WDR5: variants seen among roughly 807,000 people sequenced by gnomAD.
WDR5 encodes the protein WD repeat-containing protein 5.
For missense variants in WDR5, 187 were observed against 416.9 expected, an observed-to-expected ratio of 0.45 and a Z score of 4.80; for synonymous variants, 144 against 161.6, an observed-to-expected ratio of 0.89 and a Z score of 0.83.
chr9:134,145,265 AT>A (rs1832130529), intron 7 of WDR5, among the ~76,000 whole-genome samples: 1 of 151,766 alleles, frequency 6.6e-6, no homozygotes, highest in African/African-American at 2.4e-5. Flanking sequence ...CGACTGGCTA[AT>A]TTTTGTATTT....
chr9:134,140,599 C>T, intron 2 of WDR5, 104 bp from the exon 3 acceptor site: 2 of 951,984 alleles, frequency 2.1e-6, no homozygotes, highest in South Asian at 1.4e-5. Context: ...ATTTGGAGCT[C>T]TAAAGATCTG....
At chr9:134,143,563 G>A (rs948406575) in intron 7 of WDR5, among the ~76,000 whole-genome samples, 4 of 149,946 alleles carry the variant, frequency 2.7e-5, no homozygotes, top group Non-Finnish European at 4.4e-5. Context: ...GTCTCGCTCT[G>A]TTGCCCAGGC....
At chr9:134,154,408 C>T (rs1286981078) in intron 9 of WDR5, 58 bp from the exon 10 acceptor site, 10 of 1,580,418 alleles carry the variant, frequency 6.3e-6, no homozygotes, top group South Asian at 5.5e-5. Context: ...GGTCCCACCT[C>T]CTGTCCCTGC....
intron 8 of WDR5, among the ~76,000 whole-genome samples, chr9:134,149,316 G>T (rs1354110104): frequency 2.0e-5 from 3 of 152,240 alleles, no homozygotes; most frequent in Admixed American, 1.3e-4. Context: ...CAAGGTTCAA[G>T]CTGCGGTTGC....
At chr9:134,151,275 G>T (rs1381714818) in intron 8 of WDR5, among the ~76,000 whole-genome samples, 1 of 152,190 alleles carries the variant, frequency 6.6e-6, no homozygotes, top group Non-Finnish European at 1.5e-5. Flanking sequence ...GCAGAGCAGA[G>T]AGCTTCGGGG....
intron 13 of WDR5, 81 bp downstream of exon 13, chr9:134,156,674 A>C: frequency 6.9e-7 from 1 of 1,453,980 alleles, no homozygotes; most frequent in East Asian, 2.3e-5. Context: ...GTGTGCCCGT[A>C]GGGTGCCGTC....
intron 4 of WDR5, 61 bp downstream of exon 4, chr9:134,141,644 G>C (rs1210877024): frequency 1.3e-6 from 2 of 1,544,570 alleles, no homozygotes; most frequent in East Asian, 4.5e-5. Flanking sequence ...AGTGATCAAG[G>C]GGTCAGGGCT....
chr9:134,145,096 G>GTTTT (rs56864188), intron 7 of WDR5, among the ~76,000 whole-genome samples: 4,325 of 104,402 alleles, frequency 0.041, 360 homozygotes, highest in Middle Eastern at 0.072. Flanking sequence ...GTGGGGCTTT[G>GTTTT]TTTTTTTTTT....
intron 8 of WDR5, among the ~76,000 whole-genome samples, chr9:134,149,055 T>G (rs1345003535): frequency 2.0e-5 from 3 of 152,076 alleles, no homozygotes; most frequent in African/African-American, 7.2e-5. Flanking sequence ...CTGGCAGAAT[T>G]GAAGATCTTA....
At chr9:134,156,426 C>G (rs1352374292) in intron 12 of WDR5, 80 bp from the exon 13 acceptor site, 1 of 1,411,470 alleles carries the variant, frequency 7.1e-7, no homozygotes, top group Non-Finnish European at 1.0e-6. Context: ...CAGGGCATAA[C>G]TGGAGATTCT....
At chr9:134,151,290 C>T (rs2132567416) in intron 8 of WDR5, among the ~76,000 whole-genome samples, 1 of 152,216 alleles carries the variant, frequency 6.6e-6, no homozygotes, top group Non-Finnish European at 1.5e-5. Context: ...TCGGGGCCCT[C>T]CCAGAGGCGG....
chr9:134,141,605 T>G (rs768963340), intron 4 of WDR5, 22 bp downstream of exon 4: 2 of 1,613,166 alleles, frequency 1.2e-6, no homozygotes, highest in East Asian at 2.2e-5. Flanking sequence ...CCCTGTGCGG[T>G]GAAGTTGACT....
intron 1 of WDR5, 140 bp from the exon 2 acceptor site, chr9:134,139,680 G>A (rs755946957): frequency 1.7e-6 from 1 of 602,512 alleles, no homozygotes; most frequent in Non-Finnish European, 2.9e-6. Flanking sequence ...AATTAATAGG[G>A]TCCTCAATTT....
In WDR5 at chr9:134,141,708, T is replaced by A. The variant is rs1034016895; in HGVS notation, c.264+125T>A. The A allele has an allele frequency of 1.1e-5, 12 of 1,079,264 alleles. No homozygotes were observed. In the African/African-American group the frequency reaches 1.5e-4, roughly 13 times the overall value. The allele number at this position is 1,079,264 out of a possible 1,614,324, so 66.9% of individuals were successfully genotyped here. A position where few individuals can be genotyped will look rare whatever the true frequency, so the allele number is the denominator to read the frequency against. On this transcript the variant is annotated intron_variant, in intron 4 of 13. Transcript: ENST00000358625. The stretch of plus-strand genomic sequence containing the variant: ...AGTTTTCCCCGTTTTTTAATTTTTT[T>A]ATAGTTATTTGCATCTTGAACTTTT...
intron 7 of WDR5, among the ~76,000 whole-genome samples, chr9:134,145,106 T>TTTTTTTTTTTG (rs1832117944): frequency 7.7e-6 from 1 of 129,514 alleles, no homozygotes; most frequent in Non-Finnish European, 1.6e-5. Flanking sequence ...GTTTTTTTTT[T>TTTTTTTTTTTG]TTTTTTTTTT....
At chr9:134,139,326 C>A (rs1240778852) in intron 1 of WDR5, among the ~76,000 whole-genome samples, 1 of 152,178 alleles carries the variant, frequency 6.6e-6, no homozygotes, top group Non-Finnish European at 1.5e-5. Flanking sequence ...CACTGGGTGC[C>A]CGTGCTTGTG....
chr9:134,137,909 A>C lies in WDR5; in HGVS notation c.-59+1709A>C, dbSNP rs113123725. 8.7e-3 allele frequency among the ~76,000 whole-genome samples: 1,316 copies of C among 152,038 alleles called. 18 individuals are homozygous for C. Among genetic ancestry groups the C allele is most frequent in the African/African-American group, 0.03 (1,242 of 41,462 alleles). ...AGGGACCGACCACCACACCCGGCTA[A>C]TTTCTGTATTTTTAGTAGGGAGGGG... is the stretch of plus-strand genomic sequence containing the variant. On this transcript the variant is annotated intron_variant, in intron 1 of 13. Coordinates refer to ENST00000358625, the MANE Select transcript of WDR5 (RefSeq NM_017588.3).
At chr9:134,153,949 C>T (rs905382274) in intron 9 of WDR5, among the ~76,000 whole-genome samples, 7 of 152,206 alleles carry the variant, frequency 4.6e-5, no homozygotes, top group African/African-American at 1.7e-4. Flanking sequence ...TGAGAAGCAG[C>T]GGCTCTGCTC....
chr9:134,153,658 C>T (rs1012611681), intron 9 of WDR5, among the ~76,000 whole-genome samples: 4 of 152,090 alleles, frequency 2.6e-5, no homozygotes, highest in East Asian at 1.9e-4. Context: ...AGGTGCCTGG[C>T]GAGGCCAGGC....
Sources: gnomAD v4.1 joint callset for allele counts (sites outside exome capture counted in the v4.1 genomes callset) on GRCh38, gnomAD v4.1.1 for gene constraint, MANE v1.5 for transcripts, NCBI Gene and HGNC (gene_info 2026-07-23, HGNC 2026-07-21) for gene names.